SORBS2: variants seen among roughly 807,000 people sequenced by gnomAD.
The protein encoded by SORBS2 is sorbin and SH3 domain-containing protein 2.
Under a neutral mutation model 97.7 loss-of-function variants are expected in SORBS2, and 46 were observed. The ratio of observed to expected loss-of-function variants is 0.47; its 90% confidence interval spans 0.37 to 0.60. SORBS2 has a LOEUF of 0.60. Ranked by LOEUF, SORBS2 falls within the 20% of genes least tolerant of loss-of-function variation. SORBS2 has a pLI of 0.00. For missense variants in SORBS2, 1,316 were observed against 1,282.3 expected, an observed-to-expected ratio of 1.03 and a Z score of -0.40; for synonymous variants, 476 against 473.4, an observed-to-expected ratio of 1.01 and a Z score of -0.07.
chr4:185,894,906 A>G (rs2099244266), intron 1 of SORBS2, among the ~76,000 whole-genome samples: 1 of 152,196 alleles, frequency 6.6e-6, no homozygotes, highest in Admixed American at 6.5e-5. Flanking sequence ...CAGGAGGGGC[A>G]TGATCACACG....
At chr4:185,806,451 T>G (rs868771857) in intron 1 of SORBS2, among the ~76,000 whole-genome samples, 47,921 of 77,376 alleles carry the variant, frequency 0.62, 16,929 homozygotes, top group Middle Eastern at 0.71. Context: ...TTTTTTTTTT[T>G]TTTTTTTTTT....
At chr4:185,697,469 C>T (rs12505260) in intron 2 of SORBS2, among the ~76,000 whole-genome samples, 29,462 of 151,632 alleles carry the variant, frequency 0.19, 3,503 homozygotes, top group South Asian at 0.37. Flanking sequence ...CTAAGATTTT[C>T]CCCCCCACAC....
Position 185,809,237 on chromosome 4 carries a change from T to C in SORBS2, c.-337-33871A>G, listed in dbSNP as rs188627699. On this transcript the variant is annotated intron_variant, in intron 1 of 20. Transcript: ENST00000284776. The stretch of plus-strand genomic sequence containing the variant: ...AAATTCTGGACACTGGACAAAGTAC[T>C]TTAGAATCAGAGGCCAGCAAAGCTC... 9.3e-3 allele frequency among the ~76,000 whole-genome samples: 1,414 copies of C among 151,992 alleles called. 11 individuals are homozygous for C. Among genetic ancestry groups the C allele is most frequent in the Non-Finnish European group, 0.016 (1,094 of 67,992 alleles).
At chr4:185,844,969 G>A (rs1236976437) in intron 1 of SORBS2, among the ~76,000 whole-genome samples, 1 of 152,056 alleles carries the variant, frequency 6.6e-6, no homozygotes, top group African/African-American at 2.4e-5. Flanking sequence ...GAGAAGAATG[G>A]GGATTGGCTG....
At chr4:185,741,592 C>T (rs1329944596) in intron 2 of SORBS2, among the ~76,000 whole-genome samples, 4 of 151,940 alleles carry the variant, frequency 2.6e-5, no homozygotes, top group African/African-American at 9.7e-5. Flanking sequence ...TGGTCTCAAA[C>T]TCTTGACCTC....
chr4:185,950,062 G>T (rs1213437971), intron 1 of SORBS2, among the ~76,000 whole-genome samples: 1 of 152,110 alleles, frequency 6.6e-6, no homozygotes, highest in East Asian at 1.9e-4. Flanking sequence ...AACCAGCCTG[G>T]CCACCATGGT....
chr4:185,874,552 T>C (rs2099232266), intron 1 of SORBS2, among the ~76,000 whole-genome samples: 1 of 152,222 alleles, frequency 6.6e-6, no homozygotes, highest in African/African-American at 2.4e-5. Context: ...ATTGACAAAA[T>C]GCATTTTTAA....
At chr4:185,622,765 A>G in intron 7 of SORBS2, 149 bp downstream of exon 19, 1 of 678,746 alleles carries the variant, frequency 1.5e-6, no homozygotes, top group Non-Finnish European at 2.4e-6. Context: ...TCAGTAAGAC[A>G]TATTTGCACA....
intron 2 of SORBS2, among the ~76,000 whole-genome samples, chr4:185,722,753 T>C (rs1036126251): frequency 7.9e-5 from 12 of 152,236 alleles, no homozygotes; most frequent in Non-Finnish European, 4.4e-5. Flanking sequence ...ATAATATTGT[T>C]GATATTAAGT....
At chr4:185,741,404 G>GC (rs547563766) in intron 2 of SORBS2, among the ~76,000 whole-genome samples, 12 of 111,664 alleles carry the variant, frequency 1.1e-4, no homozygotes, top group Non-Finnish European at 1.9e-4. Context: ...TTTTTTTTTT[G>GC]TTTTTTTTTT....
intron 1 of SORBS2, among the ~76,000 whole-genome samples, chr4:185,863,509 ATTGAG>A (rs1299732173): frequency 6.6e-6 from 1 of 152,250 alleles, no homozygotes; most frequent in Non-Finnish European, 1.5e-5. Flanking sequence ...TTTGTTTAGA[ATTGAG>A]TTATTTCACA....
At chr4:185,910,316 A>C (rs2099254219) in intron 1 of SORBS2, among the ~76,000 whole-genome samples, 1 of 152,158 alleles carries the variant, frequency 6.6e-6, no homozygotes, top group Admixed American at 6.5e-5. Context: ...CTGTGTTTCT[A>C]TCTCTTACTG....
chr4:185,757,133 G>T, intron 2 of SORBS2: 2 of 457,228 alleles, frequency 4.4e-6, no homozygotes, highest in Non-Finnish European at 8.2e-6. Context: ...CCACTGTAGG[G>T]GTTCCTGGTC....
chr4:185,745,932 G>T lies in SORBS2; in HGVS notation c.-198+29295C>A, dbSNP rs558053722. ...TATGTTTCCTGGTCACATTTTTGTT[G>T]TCTCTACAGAAAGAGAAGCAAACGA... On this transcript the variant is annotated intron_variant, in intron 2 of 20. Coordinates refer to the SORBS2 transcript ENST00000284776. Among the ~76,000 whole-genome samples, 41 of 152,202 alleles carry T rather than the reference G, an allele frequency of 2.7e-4. No individual in the cohort carries two copies. In the East Asian group the frequency reaches 7.9e-3, roughly 29 times the overall value.
chr4:185,851,683 C>T (rs1487204903), intron 1 of SORBS2, among the ~76,000 whole-genome samples: 2 of 152,192 alleles, frequency 1.3e-5, no homozygotes, highest in East Asian at 1.9e-4. Flanking sequence ...TCTGGGTGGG[C>T]ACCATCTAAT....
rs79297300 is a variant in SORBS2, at chr4:185,884,705, A to G, written c.-338+71491T>C. 7.1e-3 allele frequency among the ~76,000 whole-genome samples: 1,085 copies of G among 152,240 alleles called. 11 individuals carry two copies. The highest frequency in any genetic ancestry group is 0.025 in the African/African-American group (1,018 of 41,540). ...AGTAAAGGACCACTTTCCTACAATG[A>G]TCTCTCAACTGCCTTTAGTTCTTGA... On this transcript the variant is annotated intron_variant, in intron 1 of 20. Transcript: ENST00000284776.
chr4:185,922,667 C>T (rs903617377), intron 1 of SORBS2, among the ~76,000 whole-genome samples: 2 of 152,188 alleles, frequency 1.3e-5, no homozygotes, highest in Non-Finnish European at 2.9e-5. Context: ...CAGCGATTAT[C>T]ATTTCCTTTC....
At chr4:185,723,581 C>G (rs1259420915) in intron 2 of SORBS2, among the ~76,000 whole-genome samples, 1 of 152,148 alleles carries the variant, frequency 6.6e-6, no homozygotes, top group Non-Finnish European at 1.5e-5. Context: ...GAGTCTTATT[C>G]TATTCATTTC....
chr4:185,892,650 T>C (rs1028659600), intron 1 of SORBS2, among the ~76,000 whole-genome samples: 1 of 152,226 alleles, frequency 6.6e-6, no homozygotes, highest in African/African-American at 2.4e-5. Context: ...ACAGTGTGCA[T>C]GGTGAAGTAA....
Sources: gnomAD v4.1 joint callset for allele counts (sites outside exome capture counted in the v4.1 genomes callset) on GRCh38, gnomAD v4.1.1 for gene constraint, MANE v1.5 for transcripts, NCBI Gene and HGNC (gene_info 2026-07-23, HGNC 2026-07-21) for gene names.